ANKRD52: variants seen among roughly 807,000 people sequenced by gnomAD.
The protein encoded by ANKRD52 is serine/threonine-protein phosphatase 6 regulatory ankyrin repeat subunit C.
A neutral mutation model predicts 116.0 loss-of-function variants in ANKRD52; 7 were observed. That is an observed-to-expected ratio of 0.06 (90% CI 0.03 to 0.11). The LOEUF is 0.11. Ranked by LOEUF, ANKRD52 falls within the 10% of genes least tolerant of loss-of-function variation. The pLI, the probability that ANKRD52 is intolerant of heterozygous loss-of-function variation, is 1.00. For synonymous variants in ANKRD52, 528 were observed against 578.1 expected, an observed-to-expected ratio of 0.91 and a Z score of 1.24; for missense variants, 839 against 1,408.6, an observed-to-expected ratio of 0.60 and a Z score of 6.47.
chr12:56,249,588 A>G (rs1871584822), intron 15 of ANKRD52, among the ~76,000 whole-genome samples: 1 of 152,184 alleles, frequency 6.6e-6, no homozygotes, highest in African/African-American at 2.4e-5. Context: ...TTAAAAAAAA[A>G]TTATTTAATT....
chr12:56,247,430 G>C, intron 20 of ANKRD52, 63 bp downstream of exon 20: 1 of 1,349,868 alleles, frequency 7.4e-7, no homozygotes. Context: ...CCTACTGCTG[G>C]TGAGTCCCAT....
At position 56,257,317 on chromosome 12, in the gene ANKRD52, G is replaced by A; in HGVS notation, c.156C>T (p.Gly52=). ...RTPLHAAAYV[G]DVPILQLLLM... is the part of the protein sequence containing the mutation. ...GTAGCAACTGGAGGATGGGGACATC[G>A]CCTACGTAGGCAGCAGCATGCAATG... Residue 52 remains glycine (G), a synonymous_variant, in exon 3 of 28, where the codon GGC becomes GGT. Transcript: ENST00000267116. 2 of 1,596,938 alleles carry A rather than the reference G, an allele frequency of 1.3e-6. No homozygotes were observed. Among genetic ancestry groups the A allele is most frequent in the Non-Finnish European group, 1.7e-6 (2 of 1,171,820 alleles).
chr12:56,244,914 G>T lies in ANKRD52; in HGVS notation c.2568C>A (p.Ala856=). ...LGAKIVNSRD[A]KGRTPLHAAA... ...AGTCTTCCATCACTCACCGTCCTTT[G>T]GCATCTCGGCTGTTCACAATCTTGG... Residue 856 remains alanine, a synonymous_variant, in exon 23 of 28, where the codon GCC becomes GCA. Coordinates refer to ENST00000267116, the MANE Select transcript of ANKRD52 (RefSeq NM_173595.4). The surrounding 1 kb of genome is among the most constrained non-coding windows in gnomAD (Gnocchi z 4.9). 1.9e-6 allele frequency: 3 copies of T among 1,613,958 alleles called. No individual in the cohort carries two copies. The highest frequency in any genetic ancestry group is 2.5e-6 in the Non-Finnish European group (3 of 1,179,874).
chr12:56,245,731 T>G (rs865910902), intron 20 of ANKRD52, 135 bp from the exon 21 acceptor site: 102 of 729,798 alleles, frequency 1.4e-4, no homozygotes, highest in Middle Eastern at 1.2e-3. Flanking sequence ...TTTTTTTTTT[T>G]GGAGTCGGAG....
chr12:56,243,950 T>G lies in ANKRD52; in HGVS notation c.2889-74A>C. 11 of 1,601,738 alleles carry G rather than the reference T, an allele frequency of 6.9e-6. No individual in the cohort carries two copies. Among genetic ancestry groups the G allele is most frequent in the Non-Finnish European group, 9.4e-6 (11 of 1,172,224 alleles). On this transcript the variant is annotated intron_variant, in intron 26 of 27. Transcript: ENST00000267116. The surrounding 1 kb of genome is among the most constrained non-coding windows in gnomAD (Gnocchi z 4.6). ...CCTCCAGACAGGGTGGCAAGGGTGC[T>G]GAACAAATACAATGGGCTCCAGAGA...
chr12:56,253,439 C>T lies in ANKRD52; in HGVS notation c.986-37G>A. On this transcript the variant is annotated intron_variant, in intron 9 of 27. Coordinates refer to ENST00000267116, the MANE Select transcript of ANKRD52 (RefSeq NM_173595.4). The surrounding 1 kb of genome is among the most constrained non-coding windows in gnomAD (Gnocchi z 5.5). ...TGCACACACACAAGCTCAGGCAGAC[C>T]TCAGGCTTAAGACCACTTTCGCGAG... 2.6e-6 allele frequency: 4 copies of T among 1,554,178 alleles called. No individual in the cohort carries two copies. The highest frequency in any genetic ancestry group is 3.5e-6 in the Non-Finnish European group (4 of 1,128,070).
chr12:56,257,728 T>A, intron 2 of ANKRD52, 100 bp downstream of exon 2: 2 of 1,182,804 alleles, frequency 1.7e-6, no homozygotes, highest in South Asian at 1.3e-5. Flanking sequence ...TGCGGCCTCA[T>A]CTGAGCAGAG....
At position 56,244,873 on chromosome 12, in the gene ANKRD52, A is replaced by C. The variant is rs755978614; in HGVS notation, c.2576+33T>G. ...AAGCAGAAAGGGGAAGCCAGAGGCA[A>C]CTGGGATTCTTCCCAAGTCTTCCAT... On this transcript the variant is annotated intron_variant, in intron 23 of 27. Transcript: ENST00000267116. This position sits in a 1 kb window ranked among gnomAD's most constrained non-coding sequence, Gnocchi z 4.9. 4 of 1,613,822 alleles carry C rather than the reference A, an allele frequency of 2.5e-6. No homozygotes were observed.
rs1238570612 is a variant in ANKRD52 at position 56,244,316 on chromosome 12, C to T, written c.2805+37G>A. 6.2e-7 allele frequency: 1 copy of T among 1,604,388 alleles called. No homozygotes were observed. Among genetic ancestry groups the T allele is most frequent in the East Asian group, 2.2e-5 (1 of 44,830 alleles). ...ACTTACCTCTCTTCATCAAGCTCTG[C>T]CCCTTATGCAGTCCCCCAATCACTT... is the stretch of plus-strand genomic sequence containing the variant. On this transcript the variant is annotated intron_variant, in intron 25 of 27. Transcript: ENST00000267116. The surrounding 1 kb of genome is among the most constrained non-coding windows in gnomAD (Gnocchi z 4.9).
chr12:56,256,937 G>T, intron 4 of ANKRD52, 78 bp downstream of exon 4: 2 of 1,453,464 alleles, frequency 1.4e-6, no homozygotes, highest in Non-Finnish European at 1.9e-6. Flanking sequence ...GCTGAGGACT[G>T]AGGCTCCTTA....
chr12:56,244,164 G>C lies in ANKRD52; in HGVS notation c.2806-31C>G, dbSNP rs1222758596. On this transcript the variant is annotated intron_variant, in intron 25 of 27. Transcript: ENST00000267116. This position sits in a 1 kb window ranked among gnomAD's most constrained non-coding sequence, Gnocchi z 4.9. ...GGAGGGGAACAGAGAGTGGAGACTTGTGAAGTAGAAATGTGGCAGGGTGCA... is the reference window on the plus strand; with the variant it reads ...GGAGGGGAACAGAGAGTGGAGACTTCTGAAGTAGAAATGTGGCAGGGTGCA... 1 of 1,610,536 alleles carries C rather than the reference G, an allele frequency of 6.2e-7. No homozygotes were observed. Among genetic ancestry groups the C allele is most frequent in the Non-Finnish European group, 8.5e-7 (1 of 1,176,780 alleles).
chr12:56,257,926 G>A lies in ANKRD52; in HGVS notation c.28-15C>T, dbSNP rs200163647. On this transcript the variant is annotated splice_polypyrimidine_tract_variant and intron_variant, in intron 1 of 27. Transcript: ENST00000267116. The stretch of plus-strand genomic sequence containing the variant: ...ACCAGGGGCGGCTGCAGAGAGAACC[G>A]GCATTCTGAGAGCGGGCTGGAGCCG... 6.2e-7 allele frequency: 1 copy of A among 1,612,428 alleles called. No individual in the cohort carries two copies.
At position 56,245,557 on chromosome 12, in the gene ANKRD52, C is replaced by CCAGCAGGG. The variant is rs1195292426; in HGVS notation, c.2216_2223dup (p.Asp742ProfsTer93). 1 of 1,608,652 alleles carries CCAGCAGGG rather than the reference C, an allele frequency of 6.2e-7. No homozygotes were observed. The highest frequency in any genetic ancestry group is 1.7e-5 in the Admixed American group (1 of 58,050). The stretch of plus-strand genomic sequence containing the variant: ...CGGCACAGCACAAATGCGTCGTGGT[C>CCAGCAGGG]CAGCAGGGCAGCCAGGCAGTCCTCA... On this transcript the variant is annotated frameshift_variant, in exon 21 of 28. Transcript: ENST00000267116. LOFTEE classifies it high-confidence loss of function.
chr12:56,256,142 C>G (rs930706398), intron 4 of ANKRD52, among the ~76,000 whole-genome samples, 158 bp from the exon 5 acceptor site: 3 of 152,190 alleles, frequency 2.0e-5, no homozygotes, highest in African/African-American at 4.8e-5. Flanking sequence ...TACCTACTTT[C>G]CATCTTCTGG....
chr12:56,244,075 T>C lies in ANKRD52; in HGVS notation c.2864A>G (p.Asn955Ser), dbSNP rs752076387. Residue 955 changes from asparagine to serine, a missense_variant, in exon 26 of 28, where the codon AAT becomes AGT. Asn to Ser is a conservative substitution (Grantham distance 46). This residue lies in a region of ANKRD52 where 552 missense variants were observed against 810.6 expected (regional missense o/e 0.68). Transcript: ENST00000267116. The surrounding 1 kb of genome is among the most constrained non-coding windows in gnomAD (Gnocchi z 4.9). ...LAETQDLGLINATNSALQMPL... is the reference protein window; with the variant it reads ...LAETQDLGLISATNSALQMPL... ...CATCTGCAGCGCACTGTTGGTAGCATTGATAAGGCCAAGGTCTTGGGTTTC... is the reference window on the plus strand; with the variant it reads ...CATCTGCAGCGCACTGTTGGTAGCACTGATAAGGCCAAGGTCTTGGGTTTC... 7 of 1,613,792 alleles carry C rather than the reference T, an allele frequency of 4.3e-6. No individual in the cohort carries two copies. The African/African-American group carries it at 5.3e-5, about 12-fold the overall frequency.
rs1871859894 is a variant in ANKRD52, at chr12:56,254,653, G to A, written c.618C>T (p.Gly206=). The change falls in exon 7 of 28, where the codon GGC becomes GGT. Residue 206 remains glycine, a synonymous_variant. Transcript: ENST00000267116. The surrounding 1 kb of genome is among the most constrained non-coding windows in gnomAD (Gnocchi z 4.6). ...CAGCAGCTGTATGGAGCAGCCCATA[G>A]CCCTTGCGGTCCTTGCAGCCGAGGT... is the stretch of plus-strand genomic sequence containing the variant. ...GADLGCKDRK[G]YGLLHTAAAS... The A allele has an allele frequency of 6.2e-7, 1 of 1,613,712 alleles. No individual in the cohort carries two copies. The highest frequency in any genetic ancestry group is 1.1e-5 in the South Asian group (1 of 91,070).
intron 4 of ANKRD52, among the ~76,000 whole-genome samples, chr12:56,256,665 A>T (rs1214412236): frequency 6.6e-6 from 1 of 152,222 alleles, no homozygotes; most frequent in East Asian, 1.9e-4. Flanking sequence ...CAAGGATGCA[A>T]CAGATTACTA....
At chr12:56,246,276 C>T (rs775180174) in intron 20 of ANKRD52, among the ~76,000 whole-genome samples, 7 of 151,052 alleles carry the variant, frequency 4.6e-5, no homozygotes, top group South Asian at 4.2e-4. Context: ...GTGATCTGCC[C>T]GCCTTGGCCT....
intron 18 of ANKRD52, 35 bp from the exon 19 acceptor site, chr12:56,247,809 AG>A (rs754241093): frequency 1.3e-6 from 2 of 1,591,202 alleles, no homozygotes; most frequent in South Asian, 2.3e-5. Context: ...GGGCAGGGCC[AG>A]GAGGAAGAAG....
Sources: allele counts gnomAD v4.1 joint callset (sites outside exome capture counted in the v4.1 genomes callset), GRCh38; gene constraint gnomAD v4.1.1; regional missense constraint gnomAD v4.1.1; non-coding constraint Gnocchi (gnomAD v3.1); transcripts MANE v1.5; gene names NCBI Gene and HGNC (gene_info 2026-07-23, HGNC 2026-07-21).